The following KCNIP4 variants were observed in gnomAD, a reference collection of about 807,000 sequenced individuals.
The protein encoded by KCNIP4 is potassium voltage-gated channel interacting protein 4.
In KCNIP4, 12 loss-of-function variants were observed where a neutral mutation model predicts 34.0. The ratio of observed to expected loss-of-function variants is 0.35; its 90% CI spans 0.23 to 0.57. KCNIP4 has a LOEUF of 0.57. Ranked by LOEUF, KCNIP4 falls within the 20% of genes least tolerant of loss-of-function variation. The pLI, the probability that KCNIP4 is intolerant of heterozygous loss-of-function variation, is 0.83. For missense variants in KCNIP4, 238 were observed against 311.7 expected, an observed-to-expected ratio of 0.76 and a Z score of 1.78; for synonymous variants, 124 against 102.2, an observed-to-expected ratio of 1.21 and a Z score of -1.29.
At chr4:20,751,281 C>A (rs1257593847) in intron 4 of KCNIP4, among the ~76,000 whole-genome samples, 1 of 152,172 alleles carries the variant, frequency 6.6e-6, no homozygotes, top group Non-Finnish European at 1.5e-5. Context: ...ACTGTGACAT[C>A]TAGAGTGGAT....
At chr4:21,174,045 C>T (rs947684049) in intron 1 of KCNIP4, among the ~76,000 whole-genome samples, 1 of 152,118 alleles carries the variant, frequency 6.6e-6, no homozygotes, top group Non-Finnish European at 1.5e-5. Context: ...TAAGTGCTCA[C>T]GTGATCTGTC....
intron 1 of KCNIP4, among the ~76,000 whole-genome samples, chr4:21,126,611 A>T (rs1750629763): frequency 8.4e-6 from 1 of 119,704 alleles, no homozygotes; most frequent in Non-Finnish European, 1.8e-5. Context: ...GAGAGAAGAG[A>T]AATAGCAAAA....
chr4:21,721,910 T>C (rs1225757979), intron 1 of KCNIP4, among the ~76,000 whole-genome samples: 1 of 152,316 alleles, frequency 6.6e-6, no homozygotes, highest in East Asian at 1.9e-4. Flanking sequence ...TCATAAGACA[T>C]GACTGTGCAT....
intron 1 of KCNIP4, among the ~76,000 whole-genome samples, chr4:21,552,432 C>T (rs1738657706): frequency 6.6e-6 from 1 of 152,062 alleles, no homozygotes. Context: ...GACAGTTTAC[C>T]AGTCTTGCCT....
intron 1 of KCNIP4, among the ~76,000 whole-genome samples, chr4:21,310,152 C>A (rs539027262): frequency 2.0e-5 from 3 of 152,278 alleles, no homozygotes; most frequent in East Asian, 1.9e-4. Flanking sequence ...CCTGTCTCAG[C>A]CTCCCGAGTA....
intron 1 of KCNIP4, chr4:21,763,060 T>G: frequency 7.8e-7 from 1 of 1,288,838 alleles, no homozygotes; most frequent in Non-Finnish European, 1.0e-6. Flanking sequence ...ATGCACAGTT[T>G]GCCTAATTTC....
chr4:20,901,263 C>A (rs1231064065), intron 1 of KCNIP4, among the ~76,000 whole-genome samples: 1 of 152,166 alleles, frequency 6.6e-6, no homozygotes, highest in Non-Finnish European at 1.5e-5. Flanking sequence ...AGTTGAAACT[C>A]CTTTCTTCAG....
At chr4:21,386,975 C>T (rs1722088683) in intron 1 of KCNIP4, among the ~76,000 whole-genome samples, 3 of 152,298 alleles carry the variant, frequency 2.0e-5, no homozygotes, top group South Asian at 4.1e-4. Flanking sequence ...TAGTAGCTAA[C>T]CCACCAGAGA....
chr4:21,395,507 A>G (rs1396155468), intron 1 of KCNIP4, among the ~76,000 whole-genome samples: 1 of 151,988 alleles, frequency 6.6e-6, no homozygotes, highest in Non-Finnish European at 1.5e-5. Context: ...TAGTTCATTT[A>G]TTAGTTCTCC....
intron 1 of KCNIP4, among the ~76,000 whole-genome samples, chr4:21,794,380 CT>C (rs1720495914): frequency 6.6e-6 from 1 of 152,168 alleles, no homozygotes; most frequent in African/African-American, 2.4e-5. Flanking sequence ...TCATAAACTG[CT>C]TAATTGAATG....
chr4:21,862,006 A>G (rs1725104707), intron 1 of KCNIP4, among the ~76,000 whole-genome samples: 1 of 152,026 alleles, frequency 6.6e-6, no homozygotes, highest in Non-Finnish European at 1.5e-5. Context: ...CTCCTTCACT[A>G]CAGCCAGGGA....
chr4:21,827,306 A>G (rs1722732091), intron 1 of KCNIP4, among the ~76,000 whole-genome samples: 1 of 152,102 alleles, frequency 6.6e-6, no homozygotes, highest in Admixed American at 6.6e-5. Flanking sequence ...TCTAAAATGC[A>G]TCCTTAGTAA....
chr4:21,576,123 T>G (rs1740726053), intron 1 of KCNIP4, among the ~76,000 whole-genome samples: 2 of 152,188 alleles, frequency 1.3e-5, no homozygotes, highest in African/African-American at 4.8e-5. Flanking sequence ...ATCGGTAGAA[T>G]GACAGACTGA....
At chr4:20,834,698 G>A (rs1365281244) in intron 3 of KCNIP4, among the ~76,000 whole-genome samples, 1 of 152,176 alleles carries the variant, frequency 6.6e-6, no homozygotes, top group East Asian at 1.9e-4. Flanking sequence ...GGAAATGCTG[G>A]AAAAGCATGG....
intron 1 of KCNIP4, among the ~76,000 whole-genome samples, chr4:21,107,298 T>A (rs1369053988): frequency 2.1e-5 from 3 of 141,266 alleles, no homozygotes; most frequent in Admixed American, 2.1e-4. Flanking sequence ...TGGGTGCCTC[T>A]ATATTTAGGA....
At chr4:20,973,635 C>T in intron 1 of KCNIP4, among the ~76,000 whole-genome samples, 1 of 152,192 alleles carries the variant, frequency 6.6e-6, no homozygotes, top group African/African-American at 2.4e-5. Context: ...ATCATGCGTT[C>T]CTCACTAAGC....
chr4:21,547,238 C>T (rs1738219635), intron 1 of KCNIP4, among the ~76,000 whole-genome samples: 1 of 152,066 alleles, frequency 6.6e-6, no homozygotes, highest in Non-Finnish European at 1.5e-5. Flanking sequence ...CTTGGAATTG[C>T]AAGCCCACTG....
intron 1 of KCNIP4, among the ~76,000 whole-genome samples, chr4:20,929,667 T>G (rs992554496): frequency 6.6e-6 from 1 of 151,966 alleles, no homozygotes; most frequent in Non-Finnish European, 1.5e-5. Flanking sequence ...ACTGACAGAA[T>G]GAATTAATTC....
At chr4:21,430,058 GA>G (rs1560397815) in intron 1 of KCNIP4, among the ~76,000 whole-genome samples, 1 of 152,088 alleles carries the variant, frequency 6.6e-6, no homozygotes, top group Admixed American at 6.6e-5. Context: ...ACAAACCTAA[GA>G]TAGTATCTTG....
Sources: gnomAD v4.1 joint callset for allele counts (sites outside exome capture counted in the v4.1 genomes callset) on GRCh38, gnomAD v4.1.1 for gene constraint, MANE v1.5 for transcripts, NCBI Gene and HGNC (gene_info 2026-07-23, HGNC 2026-07-21) for gene names.